The following PRKAA2 variants were observed in gnomAD, a reference collection of about 807,000 sequenced individuals.
PRKAA2 encodes the protein protein kinase AMP-activated catalytic subunit alpha 2.
In PRKAA2, 40 loss-of-function variants were observed where a neutral mutation model predicts 56.3. The observed-to-expected ratio is 0.71, with a 90% CI of 0.55 to 0.92. The LOEUF is 0.92. PRKAA2 is among the 40% of genes least tolerant of loss of function. The probability of loss-of-function intolerance (pLI) is 0.00; values close to 1 mark genes in which losing one functional copy is unlikely to be tolerated. For missense variants in PRKAA2, 542 were observed against 686.9 expected (o/e 0.79, Z 2.36); for synonymous variants, 214 against 234.2 (o/e 0.91, Z 0.79).
At chr1:56,646,568 T>C (rs1385430084) in intron 1 of PRKAA2, among the ~76,000 whole-genome samples, 1 of 152,232 alleles carries the variant, frequency 6.6e-6, no homozygotes, top group Non-Finnish European at 1.5e-5. Flanking sequence ...TAACCTGCCT[T>C]CTCTCCAGAA....
chr1:56,655,041 A>G (rs1449434651), intron 1 of PRKAA2, among the ~76,000 whole-genome samples: 1 of 151,498 alleles, frequency 6.6e-6, no homozygotes, highest in Non-Finnish European at 1.5e-5. Flanking sequence ...TATTAAAACA[A>G]GAACAGTGTG....
Position 56,714,746 on chromosome 1 carries a change from T to C in PRKAA2, c.*7033T>C, listed in dbSNP as rs1644394653. The stretch of plus-strand genomic sequence containing the variant: ...TCTTTATTGTTTTAGGAAGAATGGT[T>C]GTGTTCTTTGTCATGTATGCTTAAA... On this transcript the variant is annotated 3_prime_UTR_variant, in exon 9 of 9. Transcript: ENST00000371244. 6.6e-6 allele frequency: 1 copy of C among 152,186 alleles called. No individual in the cohort carries two copies. Among genetic ancestry groups the C allele is most frequent in the Non-Finnish European group, 1.5e-5 (1 of 68,010 alleles). The allele number at this position is 152,186 out of a possible 1,614,324, so 9.4% of individuals were successfully genotyped here.
intron 1 of PRKAA2, among the ~76,000 whole-genome samples, chr1:56,666,544 GT>G (rs1366147149): frequency 6.6e-6 from 1 of 152,158 alleles, no homozygotes; most frequent in Non-Finnish European, 1.5e-5. Flanking sequence ...AATTTAAATA[GT>G]TCACATATTT....
intron 2 of PRKAA2, among the ~76,000 whole-genome samples, chr1:56,688,009 A>T (rs1295577250): frequency 3.3e-5 from 5 of 152,332 alleles, no homozygotes; most frequent in Middle Eastern, 3.4e-3. Context: ...CTAGGAAAAT[A>T]ATACTGAGAA....
At chr1:56,657,643 TCC>T (rs1278697558) in intron 1 of PRKAA2, among the ~76,000 whole-genome samples, 1 of 151,998 alleles carries the variant, frequency 6.6e-6, no homozygotes. Context: ...GCCACTGCAC[TCC>T]AGCCTGGGTG....
At chr1:56,668,669 C>G (rs1254643113) in intron 1 of PRKAA2, among the ~76,000 whole-genome samples, 1 of 151,946 alleles carries the variant, frequency 6.6e-6, no homozygotes, top group East Asian at 1.9e-4. Context: ...ATATCCTAAA[C>G]TATATAATAT....
rs1240293452 is a variant in PRKAA2 at position 56,678,879 on chromosome 1, A to G, written c.236+4357A>G. On this transcript the variant is annotated intron_variant, in intron 2 of 8. Transcript: ENST00000371244. ...CCCAGCTAATTTTTGTATTTTTAGT[A>G]GAGACGGGGTTTCACCATGTTGGCC... 2.6e-5 allele frequency among the ~76,000 whole-genome samples: 4 copies of G among 152,244 alleles called. No homozygotes were observed. In the East Asian group the frequency reaches 7.8e-4, roughly 30 times the overall value.
intron 4 of PRKAA2, among the ~76,000 whole-genome samples, chr1:56,693,133 T>C (rs1644239539): frequency 6.6e-6 from 1 of 152,186 alleles, no homozygotes; most frequent in Admixed American, 6.5e-5. Flanking sequence ...GATAGAAAGG[T>C]ACAGGCTATT....
intron 7 of PRKAA2, 115 bp downstream of exon 7, chr1:56,704,590 C>T: frequency 8.2e-7 from 1 of 1,219,926 alleles, no homozygotes; most frequent in African/African-American, 1.5e-5. Context: ...ATATGCTATG[C>T]ACATTAAAAA....
intron 2 of PRKAA2, among the ~76,000 whole-genome samples, chr1:56,679,139 C>G (rs1171393378): frequency 6.6e-6 from 1 of 152,080 alleles, no homozygotes; most frequent in Non-Finnish European, 1.5e-5. Context: ...ATTCTGAAAA[C>G]TTTCCTTTAT....
intron 1 of PRKAA2, among the ~76,000 whole-genome samples, chr1:56,660,244 A>G (rs1643983372): frequency 3.3e-5 from 5 of 152,240 alleles, no homozygotes; most frequent in South Asian, 2.1e-4. Context: ...CACTCAGAAC[A>G]TATTTGTTAA....
In PRKAA2 at chr1:56,674,624, T is replaced by A. The variant is rs536602615; in HGVS notation, c.236+102T>A. ...TAATTGTTAACCTTTTACAAAGATT[T>A]TTTTTCATGTTCATATTCAGCAAGT... On this transcript the variant is annotated intron_variant, in intron 2 of 8. Coordinates refer to ENST00000371244, the MANE Select transcript of PRKAA2 (RefSeq NM_006252.4). The A allele has an allele frequency of 2.2e-5, 23 of 1,057,776 alleles. No homozygotes were observed. In the African/African-American group the frequency reaches 2.8e-4, roughly 13 times the overall value. The allele number at this position is 1,057,776 out of a possible 1,614,324, so 65.5% of individuals were successfully genotyped here.
intron 6 of PRKAA2, among the ~76,000 whole-genome samples, chr1:56,698,077 T>C (rs1644270655): frequency 7.2e-6 from 1 of 139,176 alleles, no homozygotes; most frequent in Admixed American, 7.3e-5. Context: ...ATTTTTTTAA[T>C]TCTTTTTTTT....
chr1:56,688,906 T>G (rs888422654), intron 2 of PRKAA2, among the ~76,000 whole-genome samples: 4 of 152,230 alleles, frequency 2.6e-5, no homozygotes, highest in Non-Finnish European at 5.9e-5. Flanking sequence ...ATAAATGTTG[T>G]GTCACCATTT....
rs142465329 is a variant in PRKAA2, at chr1:56,676,157, T to G, written c.236+1635T>G. Among the ~76,000 whole-genome samples, 8 of 152,286 alleles carry G rather than the reference T, an allele frequency of 5.3e-5. No individual in the cohort carries two copies. In the East Asian group the frequency reaches 1.5e-3, roughly 29 times the overall value. On this transcript the variant is annotated intron_variant, in intron 2 of 8. Transcript: ENST00000371244. ...TAAGCAGAGTAATACCTGCCCCCCA[T>G]GTCTATTTCCTAATTCCCAGAATTT...
chr1:56,696,197 C>T, intron 6 of PRKAA2, 38 bp downstream of exon 6: 1 of 1,537,050 alleles, frequency 6.5e-7, no homozygotes, highest in Non-Finnish European at 9.0e-7. Context: ...CATATTTTCT[C>T]ATAGGAATAA....
intron 2 of PRKAA2, among the ~76,000 whole-genome samples, chr1:56,687,263 A>G (rs1644198116): frequency 6.6e-6 from 1 of 152,176 alleles, no homozygotes; most frequent in South Asian, 2.1e-4. Context: ...CAGCAAACAC[A>G]ACAATAGGAT....
intron 1 of PRKAA2, among the ~76,000 whole-genome samples, chr1:56,652,701 G>T (rs1399315711): frequency 6.6e-6 from 1 of 152,150 alleles, no homozygotes; most frequent in East Asian, 1.9e-4. Flanking sequence ...ATGAGTTGAG[G>T]TATATAAAAT....
At position 56,661,053 on chromosome 1, in the gene PRKAA2, A is replaced by G. The variant is rs542002810; in HGVS notation, c.95-13328A>G. On this transcript the variant is annotated intron_variant, in intron 1 of 8. Transcript: ENST00000371244. ...GTAGGGGTCGGAACATATGTGCATT[A>G]CATAACGCTGCTGATCACCAGAGTT... 1.6e-4 allele frequency among the ~76,000 whole-genome samples: 24 copies of G among 152,218 alleles called. No individual in the cohort carries two copies. In the South Asian group the frequency reaches 2.1e-3, roughly 13 times the overall value.
Sources: gnomAD v4.1 joint callset for allele counts (sites outside exome capture counted in the v4.1 genomes callset) on GRCh38, gnomAD v4.1.1 for gene constraint, MANE v1.5 for transcripts, NCBI Gene and HGNC (gene_info 2026-07-23, HGNC 2026-07-21) for gene names.